FRMPD3: variants seen among roughly 807,000 people sequenced by gnomAD.
The protein encoded by FRMPD3 is FERM and PDZ domain containing 3.
FRMPD3 carries 42 observed loss-of-function variants against 97.9 expected under a neutral mutation model. The observed-to-expected ratio is 0.43, with a 90% CI of 0.34 to 0.55. FRMPD3 has a LOEUF of 0.55. Among genes scored for constraint, FRMPD3 ranks in the 20% least tolerant of loss-of-function variants. The pLI, the probability that FRMPD3 is intolerant of heterozygous loss-of-function variation, is 0.03. For missense variants in FRMPD3, 1,303 were observed against 1,457.7 expected, an observed-to-expected ratio of 0.89 and a Z score of 1.73; for synonymous variants, 577 against 581.1, an observed-to-expected ratio of 0.99 and a Z score of 0.10.
chrX:107,507,122 A>G (rs5962400), intron 1 of FRMPD3, among the ~76,000 whole-genome samples: 20 of 110,010 alleles, frequency 1.8e-4, no homozygotes, highest in African/African-American at 6.6e-4. Flanking sequence ...CGGCCCCTCA[A>G]AGTGACTTGA....
intron 6 of FRMPD3, among the ~76,000 whole-genome samples, chrX:107,552,242 C>A (rs991628460): frequency 8.9e-6 from 1 of 112,383 alleles, no homozygotes; most frequent in Non-Finnish European, 1.9e-5. Context: ...CTAAATTGAT[C>A]ATCTATAAAA....
At chrX:107,543,438 G>A (rs1921412100) in intron 4 of FRMPD3, among the ~76,000 whole-genome samples, 2 of 110,975 alleles carry the variant, frequency 1.8e-5, no homozygotes, top group South Asian at 3.9e-4. Context: ...AGATAACCTG[G>A]TGGCTGTCTC....
chrX:107,502,042 G>A (rs1409410399), intron 1 of FRMPD3, among the ~76,000 whole-genome samples: 1 of 110,979 alleles, frequency 9.0e-6, no homozygotes, highest in Non-Finnish European at 1.9e-5. Context: ...TGGGTGGGGA[G>A]GCAACAGAGG....
chrX:107,534,076 T>C (rs1452764992), intron 4 of FRMPD3, among the ~76,000 whole-genome samples: 2 of 112,066 alleles, frequency 1.8e-5, no homozygotes, highest in Non-Finnish European at 3.8e-5. Context: ...CAGTTCCCCA[T>C]TCTGGACCTG....
chrX:107,492,064 C>T (rs1394743259), intron 1 of FRMPD3, among the ~76,000 whole-genome samples: 1 of 111,088 alleles, frequency 9.0e-6, no homozygotes, highest in African/African-American at 3.3e-5. Context: ...ATCATTTGCT[C>T]ATTGTCTTGT....
Position 107,522,373 on chromosome X carries a change from A to G in FRMPD3, c.-7-4209A>G, listed in dbSNP as rs1304396718. On this transcript the variant is annotated intron_variant, in intron 1 of 14. Transcript: ENST00000683843. ...GAGTGAACAGGCTCAGAGACAGGTT[A>G]ATTATGATGTGGGCTGAGCATACAG... 6 of 550,060 alleles carry G rather than the reference A, an allele frequency of 1.1e-5. No homozygotes were observed. In the African/African-American group the frequency reaches 1.3e-4, roughly 12 times the overall value. The allele number at this position is 550,060 out of a possible 1,213,427, so 45.3% of individuals were successfully genotyped here.
At chrX:107,585,680 C>G (rs1923609942) in intron 13 of FRMPD3, among the ~76,000 whole-genome samples, 1 of 111,968 alleles carries the variant, frequency 8.9e-6, no homozygotes, top group African/African-American at 3.2e-5. Flanking sequence ...AAGGCCTTTT[C>G]TGCATCAGTT....
In FRMPD3 at chrX:107,603,584, C is replaced by G; in HGVS notation, c.*211C>G. ...CCGCCCTGGGTGTCCTCACCCCTTC[C>G]CTGGCCTCTGGGCCTCACTGTGAGG... On this transcript the variant is annotated 3_prime_UTR_variant, in exon 15 of 15. Coordinates refer to ENST00000683843, the MANE Select transcript of FRMPD3 (RefSeq NM_001388459.1). The G allele has an allele frequency of 1.4e-6, 1 of 728,411 alleles. No homozygotes were observed. The highest frequency in any genetic ancestry group is 1.9e-6 in the Non-Finnish European group (1 of 529,260). The allele number at this position is 728,411 out of a possible 1,213,427, so 60.0% of individuals were successfully genotyped here.
Position 107,602,127 on chromosome X carries a change from G to T in FRMPD3, c.4088G>T (p.Arg1363Leu), listed in dbSNP as rs755756424. Residue 1363 changes from arginine to leucine, a missense_variant, in exon 15 of 15, where the codon CGA becomes CTA. Physicochemically the swap from Arg to Leu is moderately radical, Grantham distance 102 (BLOSUM62 -2). Coordinates refer to ENST00000683843, the MANE Select transcript of FRMPD3 (RefSeq NM_001388459.1). ...ACCAGCCTGGAGTCCCGAGAGTGCC[G>T]ATCGGACCCTGAGAGTGGTGTTTCG... is the stretch of plus-strand genomic sequence containing the variant. ...RSTSLESREC[R>L]SDPESGVSCL... 1.2e-5 allele frequency: 14 copies of T among 1,210,599 alleles called. No homozygotes were observed. The South Asian group carries it at 2.1e-4, about 18-fold the overall frequency.
At chrX:107,487,556 G>A (rs976752715) in intron 1 of FRMPD3, among the ~76,000 whole-genome samples, 4 of 111,266 alleles carry the variant, frequency 3.6e-5, no homozygotes, top group Non-Finnish European at 7.5e-5. Flanking sequence ...CATTCCCAGG[G>A]AGGGCTTCCA....
At chrX:107,489,120 A>G (rs893381384) in intron 1 of FRMPD3, among the ~76,000 whole-genome samples, 11 of 108,323 alleles carry the variant, frequency 1.0e-4, no homozygotes, top group Non-Finnish European at 2.1e-4. Context: ...TTTGCTGACA[A>G]TGATGGTTTC....
chrX:107,559,109 A>G (rs1394139168), intron 8 of FRMPD3, among the ~76,000 whole-genome samples: 2 of 107,685 alleles, frequency 1.9e-5, no homozygotes, highest in Non-Finnish European at 1.9e-5. Context: ...CTGGGATTAC[A>G]GGCGCCCGCC....
In FRMPD3 at chrX:107,603,208, ACAG is replaced by A. The variant is rs747367875; in HGVS notation, c.5181_5183del (p.Gln1743del). 1.8e-4 allele frequency: 216 copies of A among 1,168,361 alleles called. No homozygotes were observed. The East Asian group carries it at 6.9e-3, about 37-fold the overall frequency. On this transcript the variant is annotated inframe_deletion, in exon 15 of 15. Coordinates refer to ENST00000683843, the MANE Select transcript of FRMPD3 (RefSeq NM_001388459.1). ...TTAACCAGCAGCAGCAGCAACAACA[ACAG>A]CAGCAGCAGCAACAACAACAGCAGC...
At chrX:107,461,274 C>G (rs1206426811) in intron 1 of FRMPD3, among the ~76,000 whole-genome samples, 1 of 111,521 alleles carries the variant, frequency 9.0e-6, no homozygotes, top group Non-Finnish European at 1.9e-5. Context: ...GAAGCAAACT[C>G]AGGATCTCCT....
chrX:107,576,114 T>G (rs1462419756), intron 12 of FRMPD3, among the ~76,000 whole-genome samples: 1 of 112,550 alleles, frequency 8.9e-6, no homozygotes, highest in Non-Finnish European at 1.9e-5. Flanking sequence ...GATTTAATTT[T>G]GATACCTGGG....
At chrX:107,487,939 T>G (rs1221070199) in intron 1 of FRMPD3, among the ~76,000 whole-genome samples, 1 of 112,068 alleles carries the variant, frequency 8.9e-6, no homozygotes, top group Non-Finnish European at 1.9e-5. Context: ...CACAAACAAC[T>G]GAACATTTAA....
intron 10 of FRMPD3, 21 bp from the exon 11 acceptor site, chrX:107,563,090 T>A: frequency 8.4e-7 from 1 of 1,185,341 alleles, no homozygotes; most frequent in Middle Eastern, 2.3e-4. Context: ...TTCTCATATT[T>A]CTGGATGGGT....
chrX:107,574,775 C>T (rs1346007256), intron 12 of FRMPD3, among the ~76,000 whole-genome samples: 1 of 112,112 alleles, frequency 8.9e-6, no homozygotes, highest in Non-Finnish European at 1.9e-5. Flanking sequence ...AGGCCCTAAC[C>T]ACCTCTCTCC....
chrX:107,511,849 C>T (rs1922174216), intron 1 of FRMPD3, among the ~76,000 whole-genome samples: 1 of 111,889 alleles, frequency 8.9e-6, no homozygotes, highest in Admixed American at 9.4e-5. Context: ...GCCGGGGACC[C>T]TCTTCTGGCT....
Sources: allele counts gnomAD v4.1 joint callset (sites outside exome capture counted in the v4.1 genomes callset), GRCh38; gene constraint gnomAD v4.1.1; transcripts MANE v1.5; gene names NCBI Gene and HGNC (gene_info 2026-07-23, HGNC 2026-07-21).